Variants in LRRC8B observed in about 807,000 individuals in gnomAD.
LRRC8B encodes the protein volume-regulated anion channel subunit LRRC8B.
LRRC8B carries 23 observed loss-of-function variants against 58.8 expected under a neutral mutation model. The observed-to-expected ratio is 0.39, with a 90% CI of 0.28 to 0.55. The LOEUF is 0.55. LRRC8B is among the 20% of genes least tolerant of loss of function. LRRC8B has a pLI of 0.62. For synonymous variants in LRRC8B, 359 were observed against 374.1 expected (o/e 0.96, Z 0.47); for missense variants, 694 against 936.0 (o/e 0.74, Z 3.37).
chr1:89,540,541 C>G (rs1056782012), intron 1 of LRRC8B, among the ~76,000 whole-genome samples: 1 of 152,154 alleles, frequency 6.6e-6, no homozygotes, highest in Admixed American at 6.5e-5. Context: ...CTTTGTGACA[C>G]GAATGAAAGA....
intron 1 of LRRC8B, among the ~76,000 whole-genome samples, chr1:89,549,504 A>G (rs1438507942): frequency 2.0e-5 from 3 of 152,220 alleles, no homozygotes; most frequent in African/African-American, 4.8e-5. Context: ...CAGGAAGACA[A>G]TGAGCACCTG....
intron 1 of LRRC8B, among the ~76,000 whole-genome samples, chr1:89,544,348 G>C (rs1244113370): frequency 6.6e-6 from 1 of 152,082 alleles, no homozygotes; most frequent in Non-Finnish European, 1.5e-5. Flanking sequence ...ATTCTGGTTT[G>C]GGTGCTTTAT....
At chr1:89,547,304 T>G (rs907213107) in intron 1 of LRRC8B, among the ~76,000 whole-genome samples, 2 of 152,106 alleles carry the variant, frequency 1.3e-5, no homozygotes, top group Non-Finnish European at 2.9e-5. Context: ...ATTATGATAT[T>G]ATGGTTATAT....
At chr1:89,525,932 C>T (rs977729953) in intron 1 of LRRC8B, among the ~76,000 whole-genome samples, 6 of 152,084 alleles carry the variant, frequency 3.9e-5, no homozygotes, top group African/African-American at 1.4e-4. Context: ...AGATATATAG[C>T]CAAATTAAAA....
chr1:89,533,612 G>A (rs962505861), intron 1 of LRRC8B, among the ~76,000 whole-genome samples: 4 of 152,044 alleles, frequency 2.6e-5, no homozygotes, highest in African/African-American at 9.7e-5. Flanking sequence ...TCCCTCTTCT[G>A]TGCTGCTTCT....
intron 3 of LRRC8B, among the ~76,000 whole-genome samples, chr1:89,569,657 G>A (rs140526143): frequency 0.013 from 1,907 of 152,116 alleles, 32 homozygotes; most frequent in African/African-American, 0.043. Context: ...ATTTTTTATG[G>A]CTATGTAGTA....
chr1:89,592,896 C>T lies in LRRC8B; in HGVS notation c.2265C>T (p.Leu755=). The change falls in exon 6 of 6, where the codon CTC becomes CTT. Residue 755 remains leucine (L), a synonymous_variant. Transcript: ENST00000330947. Reference sequence around the variant, plus strand: ...TGTCAAACCTTACTCATCTGGAGCTCATTGGTAATTACCTGGAAACACTTC... The same window carrying T: ...TGTCAAACCTTACTCATCTGGAGCTTATTGGTAATTACCTGGAAACACTTC... ...GELSNLTHLE[L]IGNYLETLPP... 1 of 1,614,062 alleles carries T rather than the reference C, an allele frequency of 6.2e-7. No homozygotes were observed. The highest frequency in any genetic ancestry group is 8.5e-7 in the Non-Finnish European group (1 of 1,180,004).
rs1049427491 is a variant in LRRC8B, at chr1:89,567,519, CAAAG to C, written c.-240-724_-240-721del. 6.6e-4 allele frequency among the ~76,000 whole-genome samples: 101 copies of C among 152,176 alleles called. 1 individual carries two copies. Among genetic ancestry groups the C allele is most frequent in the African/African-American group, 2.4e-3 (98 of 41,528 alleles). ...ATGCTGAAAAATGTTCAATTCAACT[CAAAG>C]AAATGCCAAATAAAGCAACAATAAG... On this transcript the variant is annotated intron_variant, in intron 1 of 5. Coordinates refer to ENST00000330947, the MANE Select transcript of LRRC8B (RefSeq NM_001369817.2).
At chr1:89,541,979 A>T (rs938012060) in intron 1 of LRRC8B, among the ~76,000 whole-genome samples, 2 of 152,146 alleles carry the variant, frequency 1.3e-5, no homozygotes, top group Admixed American at 6.5e-5. Context: ...ATATTATTTA[A>T]ATGACTAATT....
chr1:89,531,346 G>A (rs1001138637), intron 1 of LRRC8B, among the ~76,000 whole-genome samples: 3 of 152,226 alleles, frequency 2.0e-5, no homozygotes, highest in African/African-American at 4.8e-5. Context: ...GTATGCACAG[G>A]AGTCATATAA....
chr1:89,550,193 T>A (rs1651698079), intron 1 of LRRC8B, among the ~76,000 whole-genome samples: 1 of 152,210 alleles, frequency 6.6e-6, no homozygotes, highest in Non-Finnish European at 1.5e-5. Flanking sequence ...GTAATAGTAG[T>A]ACTTTTGCTT....
At chr1:89,528,283 G>T (rs1649853331) in intron 1 of LRRC8B, among the ~76,000 whole-genome samples, 1 of 152,156 alleles carries the variant, frequency 6.6e-6, no homozygotes, top group Admixed American at 6.5e-5. Flanking sequence ...AGGTGACTGA[G>T]ATCTTCCTCT....
At chr1:89,582,149 T>A (rs1408894311) in intron 4 of LRRC8B, among the ~76,000 whole-genome samples, 1 of 151,372 alleles carries the variant, frequency 6.6e-6, no homozygotes, top group Non-Finnish European at 1.5e-5. Flanking sequence ...TCCAGCACTT[T>A]CAGAGGCCAA....
intron 3 of LRRC8B, among the ~76,000 whole-genome samples, chr1:89,570,410 T>G (rs779463850): frequency 8.5e-5 from 13 of 152,210 alleles, no homozygotes; most frequent in African/African-American, 1.2e-4. Context: ...TAGTATCCTT[T>G]CTGGCTGGTG....
chr1:89,592,416 CAA>C (rs890884509), intron 5 of LRRC8B, among the ~76,000 whole-genome samples: 6 of 152,248 alleles, frequency 3.9e-5, no homozygotes, highest in East Asian at 1.9e-4. Flanking sequence ...ATCAAGGACT[CAA>C]GAGTAATTAT....
At chr1:89,530,399 G>A (rs1194047998) in intron 1 of LRRC8B, among the ~76,000 whole-genome samples, 6 of 134,424 alleles carry the variant, frequency 4.5e-5, no homozygotes, top group African/African-American at 1.7e-4. Context: ...AAATAAATAA[G>A]AGTATATAAT....
intron 1 of LRRC8B, chr1:89,527,008 T>TAATAATAAATAATAAAAAA (rs1649751701): frequency 6.6e-6 from 1 of 152,240 alleles, no homozygotes; most frequent in East Asian, 1.9e-4. Flanking sequence ...GAAAAGGGGC[T>TAATAATAAATAATAAAAAA]TAATAAAACT....
intron 1 of LRRC8B, among the ~76,000 whole-genome samples, chr1:89,531,590 A>G (rs1650135442): frequency 1.3e-5 from 2 of 152,094 alleles, no homozygotes; most frequent in African/African-American, 4.8e-5. Context: ...ATAGATGGTA[A>G]ATGTTTCTTT....
At chr1:89,545,520 C>T (rs1260023925) in intron 1 of LRRC8B, among the ~76,000 whole-genome samples, 1 of 152,142 alleles carries the variant, frequency 6.6e-6, no homozygotes, top group Non-Finnish European at 1.5e-5. Context: ...CATGCCCTGT[C>T]CAAGGCATTT....
Sources: allele counts gnomAD v4.1 joint callset (sites outside exome capture counted in the v4.1 genomes callset), GRCh38; gene constraint gnomAD v4.1.1; transcripts MANE v1.5; gene names NCBI Gene and HGNC (gene_info 2026-07-23, HGNC 2026-07-21).